Variants in UVRAG observed in about 807,000 individuals in gnomAD.
UVRAG encodes UV radiation resistance associated.
UVRAG carries 19 observed loss-of-function variants against 78.0 expected under a neutral mutation model. The ratio of observed to expected loss-of-function variants is 0.24; its 90% CI spans 0.17 to 0.36. The LOEUF (loss-of-function observed/expected upper bound fraction) is 0.36. UVRAG is among the 10% of genes least tolerant of loss of function. The pLI is 1.00. For missense variants in UVRAG, 740 were observed against 853.8 expected (o/e 0.87, Z 1.66); for synonymous variants, 323 against 324.6 (o/e 1.00, Z 0.05).
At chr11:75,985,001 G>C (rs1422345464) in intron 8 of UVRAG, among the ~76,000 whole-genome samples, 1 of 152,068 alleles carries the variant, frequency 6.6e-6, no homozygotes, top group Non-Finnish European at 1.5e-5. Flanking sequence ...TTTCAGTTGA[G>C]TAGAAACTGA....
chr11:76,003,970 T>A, intron 8 of UVRAG, 35 bp from the exon 9 acceptor site: 1 of 1,588,512 alleles, frequency 6.3e-7, no homozygotes, highest in South Asian at 1.1e-5. Flanking sequence ...AATCCTATGT[T>A]ACATATGGAA....
chr11:75,880,893 A>G (rs927913290), intron 4 of UVRAG, among the ~76,000 whole-genome samples: 3 of 146,368 alleles, frequency 2.0e-5, no homozygotes, highest in African/African-American at 7.6e-5. Context: ...AAGTAGCTCC[A>G]TAATATTTTC....
chr11:75,984,593 C>T (rs998459374), intron 8 of UVRAG, among the ~76,000 whole-genome samples: 1 of 152,130 alleles, frequency 6.6e-6, no homozygotes, highest in Non-Finnish European at 1.5e-5. Context: ...AGCAAACATA[C>T]CCATGTGAGC....
intron 12 of UVRAG, among the ~76,000 whole-genome samples, chr11:76,054,326 C>T (rs577558581): frequency 1.3e-5 from 2 of 152,286 alleles, no homozygotes; most frequent in African/African-American, 4.8e-5. Context: ...CCTCCACAGC[C>T]ACCATCTTGG....
At chr11:75,894,690 A>G (rs938682655) in intron 5 of UVRAG, among the ~76,000 whole-genome samples, 1 of 151,136 alleles carries the variant, frequency 6.6e-6, no homozygotes, top group East Asian at 2.0e-4. Context: ...AGGCTGAGGC[A>G]CCCTGCCCAG....
intron 8 of UVRAG, among the ~76,000 whole-genome samples, chr11:76,003,257 ATTTTTTTTTTTTTTTTT>A (rs398045280): frequency 1.9e-4 from 10 of 53,734 alleles, no homozygotes; most frequent in South Asian, 2.3e-3. Context: ...GAAAATACTG[ATTTTTTTTTTTTTTTTT>A]TTTTTTTTTT....
At chr11:75,883,053 C>A (rs962714101) in intron 4 of UVRAG, among the ~76,000 whole-genome samples, 1 of 152,128 alleles carries the variant, frequency 6.6e-6, no homozygotes, top group African/African-American at 2.4e-5. Flanking sequence ...GTATATATCC[C>A]ATCTATCTTC....
chr11:75,885,573 ATCC>A (rs1947056407), intron 4 of UVRAG, among the ~76,000 whole-genome samples: 1 of 152,110 alleles, frequency 6.6e-6, no homozygotes, highest in Admixed American at 6.5e-5. Context: ...CATTTCACTA[ATCC>A]TAGCAGCTGT....
intron 1 of UVRAG, among the ~76,000 whole-genome samples, chr11:75,826,702 T>TC (rs1191665637): frequency 1.3e-5 from 2 of 152,020 alleles, no homozygotes; most frequent in East Asian, 3.8e-4. Context: ...TCTTTTTTTT[T>TC]TTTTTTTTTT....
intron 12 of UVRAG, among the ~76,000 whole-genome samples, chr11:76,061,225 A>T (rs903373045): frequency 6.6e-6 from 1 of 151,912 alleles, no homozygotes; most frequent in Non-Finnish European, 1.5e-5. Flanking sequence ...TTGTGTTGAC[A>T]CTCTGTATCT....
intron 8 of UVRAG, among the ~76,000 whole-genome samples, chr11:75,985,305 T>C (rs1403904780): frequency 1.3e-5 from 2 of 152,080 alleles, no homozygotes; most frequent in Admixed American, 6.5e-5. Context: ...TCATATGTTA[T>C]AAATTTTATA....
At chr11:75,863,599 A>G (rs867676719) in intron 3 of UVRAG, among the ~76,000 whole-genome samples, 12 of 152,208 alleles carry the variant, frequency 7.9e-5, no homozygotes, top group African/African-American at 2.9e-4. Context: ...ATTTCTAAAG[A>G]TCTCTGAATG....
chr11:76,025,990 G>A (rs1950319704), intron 12 of UVRAG, among the ~76,000 whole-genome samples: 1 of 152,108 alleles, frequency 6.6e-6, no homozygotes, highest in African/African-American at 2.4e-5. Flanking sequence ...TTTACCAAGA[G>A]GGAAGAGACA....
At chr11:76,021,723 T>G (rs1950249464) in intron 12 of UVRAG, among the ~76,000 whole-genome samples, 1 of 152,214 alleles carries the variant, frequency 6.6e-6, no homozygotes, top group African/African-American at 2.4e-5. Flanking sequence ...TTTTCTAATT[T>G]CCCTGTGATT....
intron 12 of UVRAG, among the ~76,000 whole-genome samples, chr11:76,045,142 G>A (rs1591171398): frequency 1.3e-5 from 2 of 152,318 alleles, no homozygotes; most frequent in Admixed American, 1.3e-4. Context: ...CTCTAGAGAG[G>A]TCGAACTAGA....
In UVRAG at chr11:75,848,016, G is replaced by A. The variant is rs148143375; in HGVS notation, c.118-3867G>A. On this transcript the variant is annotated intron_variant, in intron 1 of 14. Coordinates refer to ENST00000356136, the MANE Select transcript of UVRAG (RefSeq NM_003369.4). ...GGATTTATTAGCACGGGCAACATAG[G>A]GAGACTCTGTCTCTAAAAAAAAAAA... 4.9e-4 allele frequency among the ~76,000 whole-genome samples: 74 copies of A among 149,984 alleles called. 1 individual carries two copies. In the East Asian group the frequency reaches 0.013, roughly 25 times the overall value.
At chr11:75,988,667 A>G (rs1175987119) in intron 8 of UVRAG, among the ~76,000 whole-genome samples, 2 of 152,218 alleles carry the variant, frequency 1.3e-5, no homozygotes, top group South Asian at 2.1e-4. Flanking sequence ...AACTTTTTAA[A>G]AACTACTAAG....
At chr11:75,835,863 G>A (rs1016430566) in intron 1 of UVRAG, among the ~76,000 whole-genome samples, 4 of 152,078 alleles carry the variant, frequency 2.6e-5, no homozygotes, top group African/African-American at 9.7e-5. Flanking sequence ...GGAGGCGGTG[G>A]TGGGCAGATC....
At chr11:76,080,986 G>A (rs573528572) in intron 13 of UVRAG, among the ~76,000 whole-genome samples, 52 of 152,270 alleles carry the variant, frequency 3.4e-4, no homozygotes, top group African/African-American at 1.1e-3. Flanking sequence ...GTTGTAAAAC[G>A]TAATGCTAAC....
Sources: gnomAD v4.1 joint callset for allele counts (sites outside exome capture counted in the v4.1 genomes callset) on GRCh38, gnomAD v4.1.1 for gene constraint, MANE v1.5 for transcripts, NCBI Gene and HGNC (gene_info 2026-07-23, HGNC 2026-07-21) for gene names.